NTRK2: variants seen among roughly 807,000 people sequenced by gnomAD.
NTRK2 encodes neurotrophic receptor tyrosine kinase 2.
In NTRK2, 13 loss-of-function variants were observed where a neutral mutation model predicts 94.5. The ratio of observed to expected loss-of-function variants is 0.14; its 90% CI spans 0.09 to 0.22. The LOEUF (loss-of-function observed/expected upper bound fraction) is 0.22, where lower values mean the gene tolerates loss of function less well. Among genes scored for constraint, NTRK2 ranks in the 10% least tolerant of loss-of-function variants. The pLI is 1.00. For synonymous variants in NTRK2, 372 were observed against 407.4 expected, an observed-to-expected ratio of 0.91 and a Z score of 1.05; for missense variants, 639 against 1,071.2, an observed-to-expected ratio of 0.60 and a Z score of 5.63.
chr9:84,797,512 CTAT>C (rs1007109411), intron 12 of NTRK2, among the ~76,000 whole-genome samples: 12 of 107,908 alleles, frequency 1.1e-4, no homozygotes, highest in Non-Finnish European at 1.4e-4. Flanking sequence ...ATAATAATTA[CTAT>C]TATTATTACT....
chr9:85,008,753 G>C (rs1051149088), intron 17 of NTRK2, among the ~76,000 whole-genome samples: 8 of 152,204 alleles, frequency 5.3e-5, no homozygotes, highest in Non-Finnish European at 1.0e-4. Context: ...GGGGGAGAAT[G>C]TACCTGGACC....
intron 13 of NTRK2, among the ~76,000 whole-genome samples, 195 bp downstream of exon 13, chr9:84,861,282 G>T (rs1334985229): frequency 6.6e-6 from 1 of 152,156 alleles, no homozygotes; most frequent in African/African-American, 2.4e-5. Flanking sequence ...TTTAGTACAT[G>T]GTTTTACATT....
intron 14 of NTRK2, chr9:84,874,532 TTTTG>T (rs1453421437): frequency 9.4e-7 from 1 of 1,064,812 alleles, no homozygotes; most frequent in Non-Finnish European, 1.1e-6. Context: ...TGTAGTGGGT[TTTTG>T]TTTGTTTTTG....
chr9:84,838,956 G>A (rs1383032708), intron 12 of NTRK2, among the ~76,000 whole-genome samples: 3 of 151,258 alleles, frequency 2.0e-5, no homozygotes, highest in East Asian at 1.9e-4. Flanking sequence ...TGGAGTAGAG[G>A]GAATGCCAAG....
chr9:84,805,749 G>A (rs1162971401), intron 12 of NTRK2, among the ~76,000 whole-genome samples: 1 of 152,210 alleles, frequency 6.6e-6, no homozygotes, highest in East Asian at 1.9e-4. Flanking sequence ...CTGCCCTCAT[G>A]AATAGATGGG....
At chr9:84,860,823 A>G (rs1314228450) in intron 12 of NTRK2, among the ~76,000 whole-genome samples, 1 of 152,136 alleles carries the variant, frequency 6.6e-6, no homozygotes, top group Non-Finnish European at 1.5e-5. Context: ...TAGGAAATAA[A>G]TCTCTACACA....
intron 12 of NTRK2, among the ~76,000 whole-genome samples, chr9:84,819,916 A>T (rs2072680147): frequency 6.6e-6 from 1 of 152,136 alleles, no homozygotes; most frequent in African/African-American, 2.4e-5. Context: ...CATTTGAACC[A>T]TATGGGGTGA....
intron 14 of NTRK2, among the ~76,000 whole-genome samples, chr9:84,929,074 A>G (rs1224021660): frequency 4.6e-5 from 7 of 152,204 alleles, no homozygotes; most frequent in Non-Finnish European, 8.8e-5. Flanking sequence ...TTTATTTTTT[A>G]TTAGTTTTAG....
At chr9:84,984,171 C>G (rs1278085702) in intron 17 of NTRK2, among the ~76,000 whole-genome samples, 1 of 152,048 alleles carries the variant, frequency 6.6e-6, no homozygotes, top group Non-Finnish European at 1.5e-5. Flanking sequence ...GCCTGGAGGC[C>G]CCCTTAAAAC....
At chr9:84,940,049 AC>A (rs766912512) in intron 15 of NTRK2, among the ~76,000 whole-genome samples, 26 of 152,070 alleles carry the variant, frequency 1.7e-4, no homozygotes, top group Non-Finnish European at 2.8e-4. Flanking sequence ...GTGTCACCAG[AC>A]CCTCTGGCCA....
chr9:84,934,125 C>T (rs2132717064), intron 14 of NTRK2, 37 bp from the exon 15 acceptor site: 1 of 1,612,834 alleles, frequency 6.2e-7, no homozygotes, highest in Non-Finnish European at 8.5e-7. Flanking sequence ...CCTCCACATG[C>T]TTCAATTCCA....
chr9:84,830,202 T>C (rs1274368088), intron 12 of NTRK2, among the ~76,000 whole-genome samples: 1 of 152,204 alleles, frequency 6.6e-6, no homozygotes, highest in Non-Finnish European at 1.5e-5. Context: ...TCTTCCCACC[T>C]TTCTCAGGCC....
intron 14 of NTRK2, among the ~76,000 whole-genome samples, chr9:84,924,295 G>C (rs1195238674): frequency 6.8e-6 from 1 of 147,822 alleles, no homozygotes; most frequent in Non-Finnish European, 1.5e-5. Flanking sequence ...AAGAAAGAAA[G>C]AGGAAAAAAA....
chr9:84,882,153 C>G (rs552171285), intron 14 of NTRK2, among the ~76,000 whole-genome samples: 11 of 151,996 alleles, frequency 7.2e-5, no homozygotes, highest in Admixed American at 6.6e-4. Flanking sequence ...GTGCCCGTCT[C>G]TCTGTCTAGC....
Position 84,730,783 on chromosome 9 carries a change from CAAAAAAAAAA to C in NTRK2, c.1159+2840_1159+2849del. Among the ~76,000 whole-genome samples the C allele has an allele frequency of 6.2e-4, 15 of 24,138 alleles. 1 individual carries two copies. Among genetic ancestry groups the C allele is most frequent in the African/African-American group, 1.2e-3 (7 of 5,634 alleles). The allele number at this position is 24,138 out of a possible 152,430, so 15.8% of individuals were successfully genotyped here. On this transcript the variant is annotated intron_variant, in intron 9 of 18. Transcript: ENST00000277120. ...AAACTAAAGAAAAATAAACAAATAG[CAAAAAAAAAA>C]AAAAAAAAAAAAAAATCCCTGCTTG...
chr9:84,832,595 A>G (rs1218046711), intron 12 of NTRK2, among the ~76,000 whole-genome samples: 1 of 152,210 alleles, frequency 6.6e-6, no homozygotes, highest in Non-Finnish European at 1.5e-5. Context: ...ATGATGCAGC[A>G]TCGTTGTTGC....
rs142096111 is a variant in NTRK2 at position 84,938,184 on chromosome 9, G to A, written c.1764+3892G>A. On this transcript the variant is annotated intron_variant, in intron 15 of 18. Coordinates refer to ENST00000277120, the MANE Select transcript of NTRK2 (RefSeq NM_006180.6). ...AAATTTGACTTCAGCAAGCACTTTC[G>A]TTGGAATCTGACTTAGGATTTTTGC... Among the ~76,000 whole-genome samples the A allele has an allele frequency of 2.4e-3, 370 of 152,264 alleles. 3 individuals carry two copies. Among genetic ancestry groups the A allele is most frequent in the Non-Finnish European group, 4.0e-4 (27 of 68,020 alleles).
At chr9:84,761,624 T>G (rs2065574230) in intron 12 of NTRK2, among the ~76,000 whole-genome samples, 1 of 152,234 alleles carries the variant, frequency 6.6e-6, no homozygotes, top group Non-Finnish European at 1.5e-5. Flanking sequence ...TTTATTATTA[T>G]GGTGTGTAAT....
At chr9:84,921,794 G>A (rs1295379121) in intron 14 of NTRK2, among the ~76,000 whole-genome samples, 1 of 152,120 alleles carries the variant, frequency 6.6e-6, no homozygotes, top group Non-Finnish European at 1.5e-5. Flanking sequence ...TAATAAGTGA[G>A]AAAACCTGAG....
Sources: gnomAD v4.1 joint callset for allele counts (sites outside exome capture counted in the v4.1 genomes callset) on GRCh38, gnomAD v4.1.1 for gene constraint, MANE v1.5 for transcripts, NCBI Gene and HGNC (gene_info 2026-07-23, HGNC 2026-07-21) for gene names.